KIAA0232: variants seen among roughly 807,000 people sequenced by gnomAD.
KIAA0232 encodes uncharacterized protein KIAA0232.
A neutral mutation model predicts 122.0 loss-of-function variants in KIAA0232; 27 were observed. The observed-to-expected ratio is 0.22, with a 90% CI of 0.16 to 0.31. The LOEUF (loss-of-function observed/expected upper bound fraction) is 0.31, where lower values mean the gene tolerates loss of function less well. Among genes scored for constraint, KIAA0232 ranks in the 10% least tolerant of loss-of-function variants. The pLI is 1.00. For synonymous variants in KIAA0232, 613 were observed against 587.6 expected, an observed-to-expected ratio of 1.04 and a Z score of -0.63; for missense variants, 1,551 against 1,634.2, an observed-to-expected ratio of 0.95 and a Z score of 0.88.
At chr4:6,789,554 G>A (rs1716792875) in intron 1 of KIAA0232, among the ~76,000 whole-genome samples, 1 of 152,136 alleles carries the variant, frequency 6.6e-6, no homozygotes, top group Non-Finnish European at 1.5e-5. Context: ...TTACAGGTGT[G>A]AGCCACCGTG....
At chr4:6,787,894 C>T (rs925667102) in intron 1 of KIAA0232, among the ~76,000 whole-genome samples, 5 of 152,180 alleles carry the variant, frequency 3.3e-5, no homozygotes, top group African/African-American at 1.2e-4. Flanking sequence ...TGGGCTTTCT[C>T]CTCCCAAGAT....
At chr4:6,816,137 G>C (rs2108996724) in intron 2 of KIAA0232, among the ~76,000 whole-genome samples, 1 of 152,184 alleles carries the variant, frequency 6.6e-6, no homozygotes, top group East Asian at 1.9e-4. Flanking sequence ...GTAGACAATT[G>C]TGTAGAACAG....
chr4:6,834,556 AT>A (rs1176944871), intron 3 of KIAA0232, among the ~76,000 whole-genome samples: 5 of 152,204 alleles, frequency 3.3e-5, no homozygotes, highest in Non-Finnish European at 7.3e-5. Context: ...AACAATCTCA[AT>A]TTGAAATATT....
chr4:6,871,785 G>A lies in KIAA0232; in HGVS notation c.3910+103G>A. On this transcript the variant is annotated intron_variant, in intron 8 of 9. Coordinates refer to ENST00000307659, the MANE Select transcript of KIAA0232 (RefSeq NM_014743.3). ...TATCAGTCCAAGAAACATTTACCAA[G>A]AGGTTTCTGTGTGGGTAGCACTTTG... 3 of 738,370 alleles carry A rather than the reference G, an allele frequency of 4.1e-6. No individual in the cohort carries two copies. In the Admixed American group the frequency reaches 7.1e-5, roughly 18 times the overall value. The allele number at this position is 738,370 out of a possible 1,614,324, so 45.7% of individuals were successfully genotyped here.
chr4:6,786,685 C>A (rs536356624), intron 1 of KIAA0232, among the ~76,000 whole-genome samples: 1 of 152,310 alleles, frequency 6.6e-6, no homozygotes. Context: ...AATATAGTTA[C>A]TATTTAGAAT....
At chr4:6,795,352 G>C (rs561626217) in intron 1 of KIAA0232, among the ~76,000 whole-genome samples, 1 of 152,164 alleles carries the variant, frequency 6.6e-6, no homozygotes, top group Non-Finnish European at 1.5e-5. Context: ...GATCACAGGC[G>C]TGAGCCACCG....
intron 1 of KIAA0232, among the ~76,000 whole-genome samples, chr4:6,791,315 CTTTTTTT>C (rs10716163): frequency 7.3e-5 from 6 of 82,670 alleles, no homozygotes; most frequent in Non-Finnish European, 1.1e-4. Context: ...GTCATAAAGC[CTTTTTTT>C]TTTTTTTTTT....
At chr4:6,811,421 A>G (rs1410246481) in intron 2 of KIAA0232, among the ~76,000 whole-genome samples, 21 of 152,282 alleles carry the variant, frequency 1.4e-4, no homozygotes, top group Non-Finnish European at 1.5e-5. Flanking sequence ...CATGTTAACA[A>G]AATTGCACCT....
intron 2 of KIAA0232, among the ~76,000 whole-genome samples, chr4:6,815,291 A>G (rs1422847503): frequency 6.6e-6 from 1 of 152,186 alleles, no homozygotes; most frequent in Non-Finnish European, 1.5e-5. Context: ...ATTAGAGGTA[A>G]GTTTCACCAC....
chr4:6,849,265 G>A (rs1020913355), intron 4 of KIAA0232, among the ~76,000 whole-genome samples: 1 of 152,122 alleles, frequency 6.6e-6, no homozygotes, highest in African/African-American at 2.4e-5. Context: ...ATTAGATGTG[G>A]GGTAGAGATA....
At chr4:6,829,403 T>C (rs1441558845) in intron 3 of KIAA0232, among the ~76,000 whole-genome samples, 2 of 152,208 alleles carry the variant, frequency 1.3e-5, no homozygotes, top group Non-Finnish European at 2.9e-5. Flanking sequence ...CTGAATCAGT[T>C]ATTAGTTGGG....
At chr4:6,872,476 G>GAAC (rs763539877) in intron 8 of KIAA0232, among the ~76,000 whole-genome samples, 5 of 152,174 alleles carry the variant, frequency 3.3e-5, no homozygotes, top group Non-Finnish European at 7.3e-5. Flanking sequence ...GGTATTTTTT[G>GAAC]AATGAGCAGT....
At chr4:6,834,191 G>C (rs748658178) in intron 3 of KIAA0232, among the ~76,000 whole-genome samples, 1 of 152,100 alleles carries the variant, frequency 6.6e-6, no homozygotes. Flanking sequence ...TGGGCTCAAG[G>C]GTCCTCCTGT....
intron 3 of KIAA0232, among the ~76,000 whole-genome samples, chr4:6,825,018 T>G (rs1718606353): frequency 6.6e-6 from 1 of 152,232 alleles, no homozygotes; most frequent in African/African-American, 2.4e-5. Flanking sequence ...TTCTACTATT[T>G]AGAAAACTCA....
At chr4:6,866,283 T>C in intron 7 of KIAA0232, 1 of 961,542 alleles carries the variant, frequency 1.0e-6, no homozygotes, top group African/African-American at 1.8e-5. Flanking sequence ...TGTATTTATG[T>C]GTTATCAGAA....
chr4:6,811,352 A>G (rs1476472304), intron 2 of KIAA0232, among the ~76,000 whole-genome samples: 1 of 152,232 alleles, frequency 6.6e-6, no homozygotes, highest in East Asian at 1.9e-4. Context: ...GTGATAAGGC[A>G]CAAGCCAGAC....
chr4:6,880,390 G>A (rs113584203), intron 9 of KIAA0232, among the ~76,000 whole-genome samples: 1 of 147,994 alleles, frequency 6.8e-6, no homozygotes, highest in African/African-American at 2.6e-5. Flanking sequence ...CCTCACCATC[G>A]GTACTGTGTC....
intron 7 of KIAA0232, among the ~76,000 whole-genome samples, chr4:6,864,737 CAAAAAA>C (rs59573520): frequency 2.9e-3 from 207 of 70,300 alleles, no homozygotes; most frequent in African/African-American, 0.012. Flanking sequence ...GACTCCATCT[CAAAAAA>C]AAAAAAAAAA....
At chr4:6,822,367 A>G (rs374901600) in intron 2 of KIAA0232, among the ~76,000 whole-genome samples, 18 of 152,342 alleles carry the variant, frequency 1.2e-4, no homozygotes, top group African/African-American at 4.1e-4. Flanking sequence ...CTTTATATTT[A>G]ATGTGTGTAA....
Sources: gnomAD v4.1 joint callset for allele counts (sites outside exome capture counted in the v4.1 genomes callset) on GRCh38, gnomAD v4.1.1 for gene constraint, MANE v1.5 for transcripts, NCBI Gene and HGNC (gene_info 2026-07-23, HGNC 2026-07-21) for gene names.